Variants in GNAL observed in about 807,000 individuals in gnomAD.
The protein encoded by GNAL is G protein subunit alpha L.
Under a neutral mutation model 55.1 loss-of-function variants are expected in GNAL, and 18 were observed. The observed-to-expected ratio is 0.33, with a 90% confidence interval of 0.23 to 0.48. The LOEUF is 0.48. Among genes scored for constraint, GNAL ranks in the 20% least tolerant of loss-of-function variants. GNAL has a pLI of 0.99. For synonymous variants in GNAL, 253 were observed against 237.0 expected, an observed-to-expected ratio of 1.07 and a Z score of -0.62; for missense variants, 412 against 614.1, an observed-to-expected ratio of 0.67 and a Z score of 3.48.
At chr18:11,736,612 T>C (rs1024117739) in intron 1 of GNAL, among the ~76,000 whole-genome samples, 2 of 152,188 alleles carry the variant, frequency 1.3e-5, no homozygotes, top group Non-Finnish European at 1.5e-5. Flanking sequence ...CTGCTGGTGG[T>C]GATGATAACC....
intron 1 of GNAL, among the ~76,000 whole-genome samples, chr18:11,749,426 T>C (rs2032764599): frequency 6.6e-6 from 1 of 152,236 alleles, no homozygotes; most frequent in Admixed American, 6.5e-5. Flanking sequence ...TGAACAAATA[T>C]TTTTTACGTG....
intron 10 of GNAL, among the ~76,000 whole-genome samples, chr18:11,876,361 G>C (rs2036531022): frequency 6.6e-6 from 1 of 152,128 alleles, no homozygotes; most frequent in Non-Finnish European, 1.5e-5. Flanking sequence ...TAGTAGGGAG[G>C]CTGAGGTGGG....
intron 1 of GNAL, among the ~76,000 whole-genome samples, chr18:11,691,601 G>A (rs555261626): frequency 2.4e-4 from 36 of 150,812 alleles, no homozygotes; most frequent in Middle Eastern, 3.4e-3. Flanking sequence ...TAGGTCTAAC[G>A]TTTAAGTCTT....
intron 4 of GNAL, chr18:11,811,352 C>G (rs2143570185): frequency 6.5e-6 from 1 of 154,258 alleles, no homozygotes; most frequent in Admixed American, 6.5e-5. Context: ...CTGCCCCTTG[C>G]CCCTCACAGA....
intron 4 of GNAL, among the ~76,000 whole-genome samples, chr18:11,786,044 C>T (rs1475766053): frequency 6.6e-6 from 1 of 152,168 alleles, no homozygotes; most frequent in African/African-American, 2.4e-5. Context: ...TTATCAGAAA[C>T]AGGGTGAAGC....
chr18:11,766,336 A>T (rs895022153), intron 4 of GNAL, among the ~76,000 whole-genome samples: 2 of 152,194 alleles, frequency 1.3e-5, no homozygotes, highest in Non-Finnish European at 2.9e-5. Context: ...AATCAACTGT[A>T]TGCATAACAT....
intron 4 of GNAL, among the ~76,000 whole-genome samples, chr18:11,789,601 T>C (rs2034172118): frequency 6.6e-6 from 1 of 152,248 alleles, no homozygotes; most frequent in Non-Finnish European, 1.5e-5. Flanking sequence ...GTTATCATTG[T>C]ATAGATTATA....
rs571950152 is a variant in GNAL at position 11,728,664 on chromosome 18, C to G, written c.377-24189C>G. Among the ~76,000 whole-genome samples, 361 of 152,300 alleles carry G rather than the reference C, an allele frequency of 2.4e-3. 1 individual carries two copies. The highest frequency in any genetic ancestry group is 3.1e-3 in the Non-Finnish European group (213 of 68,026). On this transcript the variant is annotated intron_variant, in intron 1 of 11. Transcript: ENST00000334049. ...AGTTTCTACAATTATTTCTGAACTT[C>G]ATTTCACCCTCAGTCTTTGCACAGA...
At chr18:11,806,919 G>A (rs369883732) in intron 4 of GNAL, among the ~76,000 whole-genome samples, 1 of 152,046 alleles carries the variant, frequency 6.6e-6, no homozygotes, top group Non-Finnish European at 1.5e-5. Context: ...CGCCCGCCTC[G>A]GCCTCCCACA....
At chr18:11,863,962 G>C (rs573996577) in intron 6 of GNAL, among the ~76,000 whole-genome samples, 1 of 152,300 alleles carries the variant, frequency 6.6e-6, no homozygotes, top group Non-Finnish European at 1.5e-5. Context: ...ATGTTAGTAA[G>C]ATTCTTGCAG....
intron 4 of GNAL, among the ~76,000 whole-genome samples, chr18:11,788,971 T>C (rs1244318249): frequency 7.3e-6 from 1 of 137,878 alleles, no homozygotes; most frequent in African/African-American, 3.1e-5. Context: ...TTCTTAAAAA[T>C]AGAATGTGTA....
chr18:11,818,653 C>T (rs556987597), intron 4 of GNAL, among the ~76,000 whole-genome samples: 32 of 152,248 alleles, frequency 2.1e-4, no homozygotes, highest in African/African-American at 6.3e-4. Context: ...TTTGTGGAAC[C>T]GCAGTGAAGT....
chr18:11,802,451 C>T (rs551167242), intron 4 of GNAL, among the ~76,000 whole-genome samples: 32 of 152,226 alleles, frequency 2.1e-4, no homozygotes, highest in Admixed American at 2.6e-4. Flanking sequence ...TTCTTGATTT[C>T]GAAACACACT....
intron 5 of GNAL, chr18:11,852,276 AT>A (rs1345661517): frequency 7.5e-6 from 6 of 795,514 alleles, no homozygotes; most frequent in Non-Finnish European, 9.9e-6. Context: ...GAAATTCAGT[AT>A]TTCTGCACTC....
chr18:11,738,647 C>T (rs542263176), intron 1 of GNAL, among the ~76,000 whole-genome samples: 60 of 152,252 alleles, frequency 3.9e-4, no homozygotes, highest in Admixed American at 2.1e-3. Flanking sequence ...TAGGGTTTCA[C>T]CGTGTTGGCC....
At chr18:11,708,965 C>T (rs1482891975) in intron 1 of GNAL, among the ~76,000 whole-genome samples, 3 of 152,152 alleles carry the variant, frequency 2.0e-5, no homozygotes, top group African/African-American at 4.8e-5. Flanking sequence ...TAATCCATTT[C>T]GATTTACTTT....
chr18:11,852,968 TTA>T (rs1477488009), intron 5 of GNAL: 1 of 167,088 alleles, frequency 6.0e-6, no homozygotes, highest in Non-Finnish European at 1.5e-5. Flanking sequence ...ATTAGAAGTC[TTA>T]TAAATTATGC....
chr18:11,715,885 GAAAA>G (rs958993006), intron 1 of GNAL, among the ~76,000 whole-genome samples: 2 of 142,122 alleles, frequency 1.4e-5, no homozygotes, highest in Non-Finnish European at 3.1e-5. Flanking sequence ...ATGAACATAT[GAAAA>G]AAAAAAAGCT....
intron 4 of GNAL, among the ~76,000 whole-genome samples, chr18:11,817,778 G>A (rs997330806): frequency 1.3e-5 from 2 of 151,674 alleles, no homozygotes; most frequent in East Asian, 1.9e-4. Flanking sequence ...TAGTAGAGAC[G>A]GGCTTCCACC....
Sources: gnomAD v4.1 joint callset for allele counts (sites outside exome capture counted in the v4.1 genomes callset) on GRCh38, gnomAD v4.1.1 for gene constraint, MANE v1.5 for transcripts, NCBI Gene and HGNC (gene_info 2026-07-23, HGNC 2026-07-21) for gene names.